Variants in CAPG observed in about 807,000 individuals in gnomAD.
CAPG encodes the protein capping actin protein, gelsolin like.
In CAPG, 32 loss-of-function variants were observed where a neutral mutation model predicts 44.6. The ratio of observed to expected loss-of-function variants is 0.72; its 90% CI spans 0.54 to 0.96. The LOEUF (loss-of-function observed/expected upper bound fraction) is 0.96. CAPG is among the 50% of genes least tolerant of loss of function. The pLI is 0.00. For synonymous variants in CAPG, 175 were observed against 179.6 expected (o/e 0.97, Z 0.20); for missense variants, 412 against 438.3 (o/e 0.94, Z 0.54).
chr2:85,397,841 G>T (rs955119511), intron 8 of CAPG, among the ~76,000 whole-genome samples, 179 bp downstream of exon 8: 1 of 152,166 alleles, frequency 6.6e-6, no homozygotes, highest in Non-Finnish European at 1.5e-5. Context: ...AACATAGAAA[G>T]AACCCATCTC....
chr2:85,404,189 A>G (rs1687037864), intron 1 of CAPG, among the ~76,000 whole-genome samples: 1 of 151,930 alleles, frequency 6.6e-6, no homozygotes, highest in Non-Finnish European at 1.5e-5. Flanking sequence ...GTACAATGAA[A>G]CATCACACTG....
At chr2:85,407,139 C>G (rs969314069) in intron 1 of CAPG, among the ~76,000 whole-genome samples, 1 of 151,950 alleles carries the variant, frequency 6.6e-6, no homozygotes. Flanking sequence ...CCATGTCAGT[C>G]AGGCTGGTCT....
chr2:85,394,103 G>A (rs1686482028), downstream of CAPG, among the ~76,000 whole-genome samples: 1 of 152,226 alleles, frequency 6.6e-6, no homozygotes, highest in Non-Finnish European at 1.5e-5. Context: ...TGCCTTCTCA[G>A]ATGGGACCTC....
In CAPG at chr2:85,397,884, A is replaced by T. The variant is rs540762577; in HGVS notation, c.892+136T>A. On this transcript the variant is annotated intron_variant, in intron 8 of 9. Coordinates refer to ENST00000263867, the MANE Select transcript of CAPG (RefSeq NM_001747.4). Reference sequence around the variant, plus strand: ...TAAAAAAAATTTTTAAAGAGAGAAAATGGTCAGCCAGAAGCATGCAGGCTT... The same window carrying T: ...TAAAAAAAATTTTTAAAGAGAGAAATTGGTCAGCCAGAAGCATGCAGGCTT... 2.6e-4 allele frequency: 221 copies of T among 863,628 alleles called. 3 individuals carry two copies. In the South Asian group the frequency reaches 3.5e-3, roughly 14 times the overall value. The allele number at this position is 863,628 out of a possible 1,614,324, so 53.5% of individuals were successfully genotyped here.
intron 1 of CAPG, among the ~76,000 whole-genome samples, chr2:85,403,786 C>T (rs1687016747): frequency 6.7e-6 from 1 of 149,114 alleles, no homozygotes; most frequent in Non-Finnish European, 1.5e-5. Flanking sequence ...ACTCAGGAGG[C>T]TGAGGCGGGA....
Position 85,398,754 on chromosome 2 carries a change from T to A in CAPG, c.695A>T (p.Glu232Val). 1 of 1,607,192 alleles carries A rather than the reference T, an allele frequency of 6.2e-7. No homozygotes were observed. Among genetic ancestry groups the A allele is most frequent in the Non-Finnish European group, 8.5e-7 (1 of 1,176,938 alleles). ...QVLGPKPALK[E>V]GNPEEDLTAD... Reference sequence around the variant, plus strand: ...TGTGAGGTCTTCCTCAGGGTTGCCCTCCTTCAGAGCAGGCTTGGGGCCCAG... The same window carrying A: ...TGTGAGGTCTTCCTCAGGGTTGCCCACCTTCAGAGCAGGCTTGGGGCCCAG... Residue 232 changes from glutamate to valine, a missense_variant, in exon 7 of 10, where the codon GAG becomes GTG. Glu to Val is a moderately radical substitution (Grantham distance 121, BLOSUM62 -2). Coordinates refer to ENST00000263867, the MANE Select transcript of CAPG (RefSeq NM_001747.4).
chr2:85,401,516 G>A lies in CAPG; in HGVS notation c.351+13C>T. The A allele has an allele frequency of 1.2e-6, 2 of 1,613,704 alleles. No individual in the cohort carries two copies. The highest frequency in any genetic ancestry group is 1.7e-6 in the Non-Finnish European group (2 of 1,179,686). ...AAGCTGCAGGGTGGGGGTGCCTAGA[G>A]GTGGGCTCTGACCTGGTACTTGAGG... On this transcript the variant is annotated intron_variant, in intron 4 of 9. Coordinates refer to ENST00000263867, the MANE Select transcript of CAPG (RefSeq NM_001747.4).
chr2:85,394,434 C>G (rs1686490737), downstream of CAPG, among the ~76,000 whole-genome samples: 1 of 152,238 alleles, frequency 6.6e-6, no homozygotes, highest in African/African-American at 2.4e-5. Context: ...CCTGGCAGTG[C>G]TTTATTAGGG....
chr2:85,398,346 C>T (rs1002469908), intron 7 of CAPG, 194 bp from the exon 8 acceptor site: 1 of 639,406 alleles, frequency 1.6e-6, no homozygotes. Context: ...CTCATCACCC[C>T]AATCCCTGCA....
At chr2:85,400,716 T>C (rs984741348) in intron 5 of CAPG, among the ~76,000 whole-genome samples, 1 of 151,738 alleles carries the variant, frequency 6.6e-6, no homozygotes, top group Non-Finnish European at 1.5e-5. Flanking sequence ...GGCCCCTCCC[T>C]GCCCCAAGAC....
intron 8 of CAPG, 120 bp downstream of exon 8, chr2:85,397,900 A>T: frequency 1.0e-6 from 1 of 1,002,464 alleles, no homozygotes; most frequent in Non-Finnish European, 1.5e-6. Context: ...AGCCAGAAGC[A>T]TGCAGGCTTC....
Position 85,401,996 on chromosome 2 carries a change from C to A in CAPG, c.24-39G>T, listed in dbSNP as rs766768529. ...GAGGGTTGACAGCAGCCTGGACCCA[C>A]TTGCCCAAGCACAGCCCTGGGCAGG... On this transcript the variant is annotated intron_variant, in intron 2 of 9. Transcript: ENST00000263867. 3.1e-6 allele frequency: 5 copies of A among 1,613,518 alleles called. No individual in the cohort carries two copies. In the Admixed American group the frequency reaches 6.7e-5, roughly 22 times the overall value.
intron 1 of CAPG, among the ~76,000 whole-genome samples, chr2:85,417,828 C>A (rs2104871120): frequency 6.6e-6 from 1 of 152,248 alleles, no homozygotes; most frequent in Non-Finnish European, 1.5e-5. Flanking sequence ...CCAGACCTTT[C>A]CTCCAGTGCT....
chr2:85,395,974 C>T lies in CAPG; in HGVS notation c.893-348G>A, dbSNP rs77016175. 0.049 allele frequency: 12,101 copies of T among 244,694 alleles called. 387 individuals are homozygous for T. The highest frequency in any genetic ancestry group is 0.064 in the Non-Finnish European group (8,000 of 125,080). 15.2% of individuals were successfully genotyped at this position (244,694 alleles called of 1,614,324 possible). On this transcript the variant is annotated intron_variant, in intron 8 of 9. Coordinates refer to ENST00000263867, the MANE Select transcript of CAPG (RefSeq NM_001747.4). The surrounding 1 kb of genome is among the most constrained non-coding windows in gnomAD (Gnocchi z 4.3). ...GCAGGTCTCCTTTTCCTCTAGGACC[C>T]CTCACCTCTTGAATTCATCAAGCCT...
Position 85,397,704 on chromosome 2 carries a change from A to AAAAGAAAGAAAG in CAPG, c.892+304_892+315dup, listed in dbSNP as rs57572523. Among the ~76,000 whole-genome samples, 813 of 149,234 alleles carry AAAAGAAAGAAAG rather than the reference A, an allele frequency of 5.4e-3. 9 individuals carry two copies. The highest frequency in any genetic ancestry group is 0.018 in the African/African-American group (742 of 40,440). On this transcript the variant is annotated intron_variant, in intron 8 of 9. Coordinates refer to ENST00000263867, the MANE Select transcript of CAPG (RefSeq NM_001747.4). Reference sequence around the variant, plus strand: ...GGTAACAGAGCAAGATTCCTTCTCAAAAAGAAAGAAAGAAAGAAAGAAAGA... The same window carrying AAAAGAAAGAAAG: ...GGTAACAGAGCAAGATTCCTTCTCAAAAAGAAAGAAAGAAAGAAAGAAAGAAAGAAAGAAAGA...
upstream of CAPG, among the ~76,000 whole-genome samples, chr2:85,412,518 A>G (rs1251058428): frequency 1.3e-5 from 2 of 152,190 alleles, no homozygotes; most frequent in Non-Finnish European, 2.9e-5. Context: ...GTCTCAAAAA[A>G]TAATAATAAT....
chr2:85,398,785 G>A lies in CAPG; in HGVS notation c.667-3C>T, dbSNP rs1280693466. The A allele has an allele frequency of 1.3e-6, 2 of 1,595,428 alleles. No homozygotes were observed. The highest frequency in any genetic ancestry group is 1.1e-5 in the South Asian group (1 of 88,378). On this transcript the variant is annotated splice_polypyrimidine_tract_variant and splice_region_variant and intron_variant, in intron 6 of 9. Coordinates refer to ENST00000263867, the MANE Select transcript of CAPG (RefSeq NM_001747.4). Reference sequence around the variant, plus strand: ...AGAGCAGGCTTGGGGCCCAGGACCTGCAGGGGCCAGGGCAGGCCAGGTTTA... The same window carrying A: ...AGAGCAGGCTTGGGGCCCAGGACCTACAGGGGCCAGGGCAGGCCAGGTTTA...
chr2:85,417,699 G>T (rs892903326), intron 1 of CAPG, among the ~76,000 whole-genome samples: 1 of 151,950 alleles, frequency 6.6e-6, no homozygotes, highest in African/African-American at 2.4e-5. Flanking sequence ...GGCCAGGCTG[G>T]TCTTGAACCC....
chr2:85,395,409 G>A lies in CAPG; in HGVS notation c.981+129C>T. 1.4e-6 allele frequency: 1 copy of A among 708,434 alleles called. No homozygotes were observed. Among genetic ancestry groups the A allele is most frequent in the Non-Finnish European group, 2.5e-6 (1 of 392,808 alleles). The allele number at this position is 708,434 out of a possible 1,614,324, so 43.9% of individuals were successfully genotyped here. ...TGAGATGGGCTTTCCCACTGGATGG[G>A]TCTAAGAGGGAGGCCTGGTTGTTCC... On this transcript the variant is annotated intron_variant, in intron 9 of 9. Transcript: ENST00000263867. This position sits in a 1 kb window ranked among gnomAD's most constrained non-coding sequence, Gnocchi z 4.3.
Sources: allele counts gnomAD v4.1 joint callset (sites outside exome capture counted in the v4.1 genomes callset), GRCh38; gene constraint gnomAD v4.1.1; non-coding constraint Gnocchi (gnomAD v3.1); transcripts MANE v1.5; gene names NCBI Gene and HGNC (gene_info 2026-07-23, HGNC 2026-07-21).